The following CCL25 variants were observed in gnomAD, a reference collection of about 807,000 sequenced individuals.
CCL25 encodes C-C motif chemokine ligand 25, also known as C-C motif chemokine 25.
In CCL25, 14 loss-of-function variants were observed where a neutral mutation model predicts 19.9. That is an observed-to-expected ratio of 0.70 (90% CI 0.47 to 1.10). The LOEUF (loss-of-function observed/expected upper bound fraction) is 1.10, where lower values mean the gene tolerates loss of function less well. Among genes scored for constraint, CCL25 ranks in the 50% least tolerant of loss-of-function variants. CCL25 has a pLI of 0.00. For synonymous variants in CCL25, 68 were observed against 73.2 expected (o/e 0.93, Z 0.36); for missense variants, 151 against 181.2 (o/e 0.83, Z 0.96).
intron 5 of CCL25, among the ~76,000 whole-genome samples, chr19:8,060,341 C>T (rs1403469204): frequency 2.6e-5 from 4 of 151,330 alleles, no homozygotes; most frequent in East Asian, 1.9e-4. Context: ...GACCCTGTCT[C>T]GAAAAAAGAA....
chr19:8,055,286 A>AG (rs567042433), intron 2 of CCL25, among the ~76,000 whole-genome samples: 10 of 19,872 alleles, frequency 5.0e-4, no homozygotes, highest in Admixed American at 1.4e-3. Flanking sequence ...GAGACTCTGG[A>AG]AAAAAAAAAA....
At chr19:8,057,681 T>A in intron 4 of CCL25, 120 bp from the exon 5 acceptor site, 1 of 1,405,524 alleles carries the variant, frequency 7.1e-7, no homozygotes, top group Non-Finnish European at 9.4e-7. Context: ...GATGGAAAGC[T>A]CAAGCACATG....
intron 5 of CCL25, among the ~76,000 whole-genome samples, chr19:8,059,791 T>C (rs1222347561): frequency 6.6e-6 from 1 of 151,942 alleles, no homozygotes; most frequent in Non-Finnish European, 1.5e-5. Context: ...GGCAGAAGGA[T>C]CAATTGAGCC....
At chr19:8,058,929 A>C (rs1487386115) in intron 5 of CCL25, among the ~76,000 whole-genome samples, 1 of 140,054 alleles carries the variant, frequency 7.1e-6, no homozygotes, top group Non-Finnish European at 1.5e-5. Flanking sequence ...AAGTGCTAAG[A>C]TTACAGGCGT....
Position 8,057,168 on chromosome 19 carries a change from C to T in CCL25, c.326-633C>T, listed in dbSNP as rs187480143. On this transcript the variant is annotated intron_variant, in intron 4 of 5. Coordinates refer to ENST00000315626, the MANE Select transcript of CCL25 (RefSeq NM_005624.4). ...CCTAAGTAGCAGGAGCACAGGCCCA[C>T]GCCACCACGCCTGGCTAATTTTTGT... Among the ~76,000 whole-genome samples the T allele has an allele frequency of 2.6e-3, 392 of 152,020 alleles. 4 individuals are homozygous for T. Among genetic ancestry groups the T allele is most frequent in the South Asian group, 3.5e-3 (17 of 4,822 alleles).
Position 8,061,648 on chromosome 19 carries a change from C to T in CCL25, c.446-570C>T, listed in dbSNP as rs566802590. On this transcript the variant is annotated intron_variant, in intron 5 of 5. Coordinates refer to ENST00000315626, the MANE Select transcript of CCL25 (RefSeq NM_005624.4). ...TAAAATATGTCCCCATTACCCAGGA[C>T]ACTCCAAGGGATCCAGAGCTCTGTG... 5.3e-5 allele frequency among the ~76,000 whole-genome samples: 8 copies of T among 152,180 alleles called. No individual in the cohort carries two copies. The East Asian group carries it at 1.5e-3, about 29-fold the overall frequency.
chr19:8,057,095 A>T (rs2145288179), intron 4 of CCL25, among the ~76,000 whole-genome samples: 1 of 152,168 alleles, frequency 6.6e-6, no homozygotes, highest in South Asian at 2.1e-4. Flanking sequence ...ATCTCGGCTC[A>T]CTGCAACCTC....
At chr19:8,059,990 G>A (rs1242986367) in intron 5 of CCL25, among the ~76,000 whole-genome samples, 1 of 152,076 alleles carries the variant, frequency 6.6e-6, no homozygotes, top group African/African-American at 2.4e-5. Flanking sequence ...TCTGGAGGCT[G>A]AGGCAGGAGA....
intron 2 of CCL25, among the ~76,000 whole-genome samples, chr19:8,054,177 G>T (rs1348278997): frequency 6.6e-6 from 1 of 152,188 alleles, no homozygotes; most frequent in Admixed American, 6.6e-5. Flanking sequence ...CTGGGCGGCA[G>T]ACCCAGGGTC....
At position 8,056,360 on chromosome 19, in the gene CCL25, C is replaced by T; in HGVS notation, c.192-6C>T. The T allele has an allele frequency of 6.2e-7, 1 of 1,613,202 alleles. No homozygotes were observed. The highest frequency in any genetic ancestry group is 8.5e-7 in the Non-Finnish European group (1 of 1,179,680). On this transcript the variant is annotated splice_polypyrimidine_tract_variant and splice_region_variant and intron_variant, in intron 3 of 5. Transcript: ENST00000315626. ...TAACCTGGGCACCCCCCTCTGCTCA[C>T]CACAGATTCTACCTCCCCAAGAGAC...
At chr19:8,056,930 C>T (rs1299033970) in intron 4 of CCL25, among the ~76,000 whole-genome samples, 3 of 152,126 alleles carry the variant, frequency 2.0e-5, no homozygotes, top group African/African-American at 7.2e-5. Context: ...GAAGCCTTGA[C>T]CTCCCAGGCT....
chr19:8,058,474 T>G, intron 5 of CCL25, among the ~76,000 whole-genome samples: 1 of 111,792 alleles, frequency 8.9e-6, no homozygotes, highest in African/African-American at 3.5e-5. Flanking sequence ...AGTAAATATA[T>G]AATATATAAA....
At position 8,060,644 on chromosome 19, in the gene CCL25, A is replaced by C. The variant is rs144326965; in HGVS notation, c.446-1574A>C. Among the ~76,000 whole-genome samples the C allele has an allele frequency of 5.9e-3, 896 of 151,308 alleles. 5 individuals are homozygous for C. The highest frequency in any genetic ancestry group is 0.024 in the Middle Eastern group (7 of 288). On this transcript the variant is annotated intron_variant, in intron 5 of 5. Coordinates refer to ENST00000315626, the MANE Select transcript of CCL25 (RefSeq NM_005624.4). ...CATAGCTCACCGCCTCAGCCTCCCG[A>C]GTAGCTGGGACTGCAGGCCAGTACC... is the stretch of plus-strand genomic sequence containing the variant.
At chr19:8,053,694 G>A (rs770434262) in intron 2 of CCL25, among the ~76,000 whole-genome samples, 1 of 151,708 alleles carries the variant, frequency 6.6e-6, no homozygotes, top group Non-Finnish European at 1.5e-5. Context: ...GACTACAGGC[G>A]TGTGTACCAT....
chr19:8,061,682 A>G (rs2081318816), intron 5 of CCL25, among the ~76,000 whole-genome samples: 2 of 152,064 alleles, frequency 1.3e-5, no homozygotes, highest in African/African-American at 4.8e-5. Context: ...TGTCAGAAAC[A>G]GAATTCAAAG....
chr19:8,059,953 G>C lies in CCL25; in HGVS notation c.445+2033G>C, dbSNP rs533605123. Among the ~76,000 whole-genome samples, 54 of 152,160 alleles carry C rather than the reference G, an allele frequency of 3.5e-4. No homozygotes were observed. In the South Asian group the frequency reaches 0.011, roughly 30 times the overall value. ...AAATACAAAAAATTAGCCGGGCGTG[G>C]TGGCAGGCATCTGTAGTCCCAGTTA... is the stretch of plus-strand genomic sequence containing the variant. On this transcript the variant is annotated intron_variant, in intron 5 of 5. Coordinates refer to ENST00000315626, the MANE Select transcript of CCL25 (RefSeq NM_005624.4).
At chr19:8,061,259 G>A (rs190673202) in intron 5 of CCL25, among the ~76,000 whole-genome samples, 1 of 152,194 alleles carries the variant, frequency 6.6e-6, no homozygotes, top group Non-Finnish European at 1.5e-5. Context: ...AAAGTGCTGG[G>A]ATTACAGGCG....
At chr19:8,061,983 G>A (rs1365557934) in intron 5 of CCL25, among the ~76,000 whole-genome samples, 1 of 150,716 alleles carries the variant, frequency 6.6e-6, no homozygotes, top group Non-Finnish European at 1.5e-5. Flanking sequence ...CCTGGAGGCG[G>A]AGGTTGCATT....
chr19:8,056,037 C>T, intron 2 of CCL25, 115 bp from the exon 3 acceptor site: 4 of 680,830 alleles, frequency 5.9e-6, no homozygotes, highest in Non-Finnish European at 1.0e-5. Context: ...TCTGCCGGGC[C>T]TGGAAGGGTT....
Sources: allele counts gnomAD v4.1 joint callset (sites outside exome capture counted in the v4.1 genomes callset), GRCh38; gene constraint gnomAD v4.1.1; transcripts MANE v1.5; gene names NCBI Gene and HGNC (gene_info 2026-07-23, HGNC 2026-07-21).